YBX3: variants seen among roughly 807,000 people sequenced by gnomAD.
YBX3 encodes Y-box binding protein 3.
Under a neutral mutation model 42.4 loss-of-function variants are expected in YBX3, and 29 were observed. The ratio of observed to expected loss-of-function variants is 0.68; its 90% CI spans 0.51 to 0.93. The LOEUF (loss-of-function observed/expected upper bound fraction) is 0.93. Among genes scored for constraint, YBX3 ranks in the 40% least tolerant of loss-of-function variants. YBX3 has a pLI of 0.00. For missense variants in YBX3, 517 were observed against 527.5 expected (o/e 0.98, Z 0.19); for synonymous variants, 195 against 189.8 (o/e 1.03, Z -0.22).
chr12:10,700,636 C>T (rs1040584304), intron 9 of YBX3, among the ~76,000 whole-genome samples: 1 of 152,084 alleles, frequency 6.6e-6, no homozygotes, highest in African/African-American at 2.4e-5. Flanking sequence ...TAAACACTCC[C>T]TGTTATTTCA....
chr12:10,708,732 C>T (rs192649681), intron 6 of YBX3, among the ~76,000 whole-genome samples: 1 of 152,286 alleles, frequency 6.6e-6, no homozygotes, highest in East Asian at 1.9e-4. Flanking sequence ...TGATGTTTTA[C>T]GTGGCACTAA....
intron 3 of YBX3, 100 bp downstream of exon 3, chr12:10,717,988 T>A: frequency 1.0e-6 from 1 of 996,542 alleles, no homozygotes; most frequent in Non-Finnish European, 1.4e-6. Flanking sequence ...GAGTTTAGAT[T>A]AAAATAATAA....
intron 1 of YBX3, 68 bp from the exon 2 acceptor site, chr12:10,719,211 T>C: frequency 7.5e-7 from 1 of 1,330,696 alleles, no homozygotes; most frequent in East Asian, 2.3e-5. Context: ...ATCACTAAGA[T>C]CTTGATAACA....
chr12:10,715,791 G>A lies in YBX3; in HGVS notation c.361-8C>T, dbSNP rs752088783. On this transcript the variant is annotated splice_polypyrimidine_tract_variant and splice_region_variant and intron_variant, in intron 3 of 9. Transcript: ENST00000228251. ...ATTCTTCTTGATGGCAGTCTGGAAAGAGAACAGAAAATTTTATTCGATGTA... is the reference window on the plus strand; with the variant it reads ...ATTCTTCTTGATGGCAGTCTGGAAAAAGAACAGAAAATTTTATTCGATGTA... 1.2e-6 allele frequency: 2 copies of A among 1,612,172 alleles called. No homozygotes were observed. Among genetic ancestry groups the A allele is most frequent in the South Asian group, 2.2e-5 (2 of 91,010 alleles).
Position 10,713,318 on chromosome 12 carries a change from T to C in YBX3, c.466A>G (p.Asn156Asp). The change falls in exon 5 of 10, where the codon AAT becomes GAT. Residue 156 changes from asparagine (N) to aspartate (D), a missense_variant. Physicochemically the swap from Asn to Asp is conservative, Grantham distance 23. Coordinates refer to ENST00000228251, the MANE Select transcript of YBX3 (RefSeq NM_003651.5). ...GGAACTCCATCCGGGCCAGTCACAT[T>C]GGCAGCTTCTGCACCCTGAGAAGAA... is the stretch of plus-strand genomic sequence containing the variant. ...VEGEKGAEAANVTGPDGVPVE... is the reference protein window; with the variant it reads ...VEGEKGAEAADVTGPDGVPVE... The C allele has an allele frequency of 6.2e-7, 1 of 1,613,928 alleles. No homozygotes were observed. Among genetic ancestry groups the C allele is most frequent in the Non-Finnish European group, 8.5e-7 (1 of 1,180,016 alleles).
chr12:10,704,622 A>T (rs1948117414), intron 6 of YBX3, among the ~76,000 whole-genome samples: 1 of 139,572 alleles, frequency 7.2e-6, no homozygotes, highest in Non-Finnish European at 1.7e-5. Flanking sequence ...TTCTTTTCTC[A>T]AAACATCCCT....
intron 5 of YBX3, chr12:10,710,633 T>G: frequency 8.4e-7 from 1 of 1,196,526 alleles, no homozygotes; most frequent in Non-Finnish European, 1.1e-6. Context: ...ATTGCCATAA[T>G]ATTACTAAGA....
intron 9 of YBX3, 79 bp downstream of exon 9, chr12:10,701,173 GAC>G (rs1182190987): frequency 5.6e-6 from 4 of 714,364 alleles, no homozygotes; most frequent in African/African-American, 3.5e-5. Context: ...AACTAGTTTA[GAC>G]TAATTTGTAC....
intron 5 of YBX3, 46 bp downstream of exon 5, chr12:10,713,165 C>A (rs1401234573): frequency 6.3e-7 from 1 of 1,582,108 alleles, no homozygotes; most frequent in East Asian, 2.2e-5. Flanking sequence ...TAATTCCATG[C>A]ATGAACAATT....
intron 9 of YBX3, 31 bp from the exon 10 acceptor site, chr12:10,699,685 A>G (rs576144598): frequency 6.5e-6 from 1 of 152,738 alleles, no homozygotes; most frequent in South Asian, 2.1e-4. Flanking sequence ...ACTTATAAAG[A>G]GTGACAAAGT....
At chr12:10,715,043 C>G (rs1948244441) in intron 4 of YBX3, among the ~76,000 whole-genome samples, 1 of 151,842 alleles carries the variant, frequency 6.6e-6, no homozygotes, top group Non-Finnish European at 1.5e-5. Flanking sequence ...GGCCACCACG[C>G]CCAGCTGCAA....
chr12:10,708,839 A>G (rs748353766), intron 6 of YBX3, among the ~76,000 whole-genome samples: 1 of 152,248 alleles, frequency 6.6e-6, no homozygotes, highest in African/African-American at 2.4e-5. Context: ...CAAACGTGAT[A>G]TATGTTGTAT....
At chr12:10,720,441 TC>T (rs1352027565) in intron 1 of YBX3, among the ~76,000 whole-genome samples, 1 of 152,042 alleles carries the variant, frequency 6.6e-6, no homozygotes, top group Non-Finnish European at 1.5e-5. Context: ...CAGCTTTAAT[TC>T]CAAAGATCTC....
chr12:10,721,165 C>A (rs1948320400), intron 1 of YBX3, among the ~76,000 whole-genome samples: 1 of 152,170 alleles, frequency 6.6e-6, no homozygotes. Flanking sequence ...ACACACTAGA[C>A]AGAGACAAAC....
chr12:10,715,543 TA>T (rs112162659), intron 4 of YBX3, 150 bp downstream of exon 4: 94,294 of 524,862 alleles, frequency 0.18, 257 homozygotes, highest in South Asian at 0.26. Context: ...GACCCCATCT[TA>T]AAAAAAAAAA....
In YBX3 at chr12:10,699,580, G is replaced by A. The variant is rs1948057073; in HGVS notation, c.*109C>T. On this transcript the variant is annotated 3_prime_UTR_variant, in exon 10 of 10. Transcript: ENST00000228251. ...TAGTCTTCCACTTTATTGCTTGGAT[G>A]TTTCTTTGGTGTTGGTTAAGGTTGT... 1 of 152,542 alleles carries A rather than the reference G, an allele frequency of 6.6e-6. No individual in the cohort carries two copies. Among genetic ancestry groups the A allele is most frequent in the East Asian group, 1.9e-4 (1 of 5,198 alleles). The allele number at this position is 152,542 out of a possible 1,614,324, so 9.4% of individuals were successfully genotyped here.
Position 10,722,837 on chromosome 12 carries a change from T to A in YBX3, c.262+13A>T. ...CCACTACGGCAGCCCCTGCCCTCCC[T>A]GGCCTGACTCACCGAGAACTTTTTT... On this transcript the variant is annotated intron_variant, in intron 1 of 9. Transcript: ENST00000228251. 4.1e-6 allele frequency: 6 copies of A among 1,470,908 alleles called. No homozygotes were observed. Among genetic ancestry groups the A allele is most frequent in the Middle Eastern group, 1.8e-4 (1 of 5,458 alleles). The allele number at this position is 1,470,908 out of a possible 1,614,324, so 91.1% of individuals were successfully genotyped here.
Position 10,715,691 on chromosome 12 carries a change from C to T in YBX3, c.450+3G>A, listed in dbSNP as rs1476932995. Reference sequence around the variant, plus strand: ...TTGATACCCAACCACAATTTCCTCTCACCTTCTCTCCTTCAACCACATCAA... The same window carrying T: ...TTGATACCCAACCACAATTTCCTCTTACCTTCTCTCCTTCAACCACATCAA... On this transcript the variant is annotated splice_donor_region_variant and intron_variant, in intron 4 of 9. Coordinates refer to ENST00000228251, the MANE Select transcript of YBX3 (RefSeq NM_003651.5). The T allele has an allele frequency of 1.9e-6, 3 of 1,613,660 alleles. No homozygotes were observed. In the East Asian group the frequency reaches 6.7e-5, roughly 36 times the overall value.
At position 10,709,984 on chromosome 12, in the gene YBX3, CGCT is replaced by C; in HGVS notation, c.701_703del (p.Gln234del). 1 of 1,614,172 alleles carries C rather than the reference CGCT, an allele frequency of 6.2e-7. No individual in the cohort carries two copies. Among genetic ancestry groups the C allele is most frequent in the South Asian group, 1.1e-5 (1 of 91,082 alleles). On this transcript the variant is annotated inframe_deletion, in exon 6 of 10. Coordinates refer to ENST00000228251, the MANE Select transcript of YBX3 (RefSeq NM_003651.5). Reference sequence around the variant, plus strand: ...TCCCACGTGGTAAGGCGGGAACCGCCGCTGCCGGTACTGAGGGCGATACTGGGG... The same window carrying C: ...TCCCACGTGGTAAGGCGGGAACCGCCGCCGGTACTGAGGGCGATACTGGGG...
Sources: allele counts gnomAD v4.1 joint callset (sites outside exome capture counted in the v4.1 genomes callset), GRCh38; gene constraint gnomAD v4.1.1; transcripts MANE v1.5; gene names NCBI Gene and HGNC (gene_info 2026-07-23, HGNC 2026-07-21).